BICRAL: variants seen among roughly 807,000 people sequenced by gnomAD.
BICRAL encodes the protein BICRA like chromatin remodeling complex associated protein.
BICRAL carries 8 observed loss-of-function variants against 91.8 expected under a neutral mutation model. That is an observed-to-expected ratio of 0.09 (90% CI 0.05 to 0.16). The LOEUF (loss-of-function observed/expected upper bound fraction) is 0.16. BICRAL is among the 10% of genes least tolerant of loss of function. BICRAL has a pLI of 1.00. For missense variants in BICRAL, 1,038 were observed against 1,310.9 expected (o/e 0.79, Z 3.21); for synonymous variants, 445 against 491.1 (o/e 0.91, Z 1.24).
At chr6:42,815,952 C>G (rs1763978756) in intron 2 of BICRAL, among the ~76,000 whole-genome samples, 1 of 134,078 alleles carries the variant, frequency 7.5e-6, no homozygotes, top group African/African-American at 2.9e-5. Flanking sequence ...CCATTGCTCT[C>G]TAGCCTGGGC....
intron 1 of BICRAL, among the ~76,000 whole-genome samples, chr6:42,809,181 A>G (rs1763789004): frequency 6.7e-6 from 1 of 150,288 alleles, no homozygotes; most frequent in African/African-American, 2.5e-5. Context: ...AAGTGAGAAC[A>G]TGCAGTATTT....
chr6:42,792,678 C>T (rs1240030244), intron 1 of BICRAL, among the ~76,000 whole-genome samples: 2 of 151,834 alleles, frequency 1.3e-5, no homozygotes, highest in Non-Finnish European at 1.5e-5. Context: ...TTTGGGAGGC[C>T]GAAGTAGGTG....
intron 1 of BICRAL, among the ~76,000 whole-genome samples, chr6:42,801,840 G>A (rs572071200): frequency 4.6e-5 from 7 of 151,984 alleles, no homozygotes; most frequent in Admixed American, 2.0e-4. Context: ...CCGAGATCAC[G>A]CCACTGTACT....
Position 42,829,556 on chromosome 6 carries a change from C to G in BICRAL, c.1223C>G (p.Ser408Cys), listed in dbSNP as rs1310527060. 6.2e-7 allele frequency: 1 copy of G among 1,614,248 alleles called. No homozygotes were observed. Among genetic ancestry groups the G allele is most frequent in the Admixed American group, 1.7e-5 (1 of 60,028 alleles). Residue 408 changes from serine to cysteine, a missense_variant, in exon 6 of 13, where the codon TCT becomes TGT. By Grantham distance (112) the Ser-to-Cys change is moderately radical. This residue lies in a region of BICRAL where 532 missense variants were observed against 724.9 expected (regional missense o/e 0.73). Coordinates refer to ENST00000314073, the MANE Select transcript of BICRAL (RefSeq NM_001393499.1). ...QSQFLIPTSL[S>C]VSSNSVHHVQ... is the part of the protein sequence containing the mutation. ...CAGTTCCTTATACCTACAAGCCTTT[C>G]TGTCAGTTCCAACTCGGTACACCAC...
chr6:42,826,911 T>G lies in BICRAL; in HGVS notation c.160-1582T>G, dbSNP rs888491923. 2.6e-5 allele frequency among the ~76,000 whole-genome samples: 4 copies of G among 152,092 alleles called. No homozygotes were observed. In the East Asian group the frequency reaches 7.7e-4, roughly 29 times the overall value. On this transcript the variant is annotated intron_variant, in intron 5 of 12. Coordinates refer to ENST00000314073, the MANE Select transcript of BICRAL (RefSeq NM_001393499.1). Reference sequence around the variant, plus strand: ...AAGTGATTCTCCTCCCTCAGCCTCCTTAGTAGCTGGGATTACAGGCATGCG... The same window carrying G: ...AAGTGATTCTCCTCCCTCAGCCTCCGTAGTAGCTGGGATTACAGGCATGCG...
chr6:42,783,521 T>C (rs563963262), intron 1 of BICRAL, among the ~76,000 whole-genome samples: 4 of 152,086 alleles, frequency 2.6e-5, no homozygotes, highest in Admixed American at 2.6e-4. Flanking sequence ...GCCATCTTTC[T>C]CGCGGCGCGG....
intron 1 of BICRAL, among the ~76,000 whole-genome samples, chr6:42,809,415 T>C (rs987452608): frequency 2.1e-4 from 32 of 151,850 alleles, no homozygotes; most frequent in Non-Finnish European, 4.1e-4. Flanking sequence ...ATTGTCGTCT[T>C]TTCCAACTAT....
intron 1 of BICRAL, among the ~76,000 whole-genome samples, chr6:42,783,399 C>G (rs998360819): frequency 1.9e-4 from 29 of 152,168 alleles, no homozygotes; most frequent in Non-Finnish European, 3.4e-4. Flanking sequence ...TTCGCGCCCC[C>G]CCGAGTCGCC....
rs114883285 is a variant in BICRAL at position 42,805,673 on chromosome 6, C to T, written c.-101-4633C>T. Among the ~76,000 whole-genome samples, 1,119 of 152,118 alleles carry T rather than the reference C, an allele frequency of 7.4e-3. 9 individuals carry two copies. The highest frequency in any genetic ancestry group is 0.024 in the African/African-American group (991 of 41,502). On this transcript the variant is annotated intron_variant, in intron 1 of 12. Transcript: ENST00000314073. ...CAAACCTCTGCCCTGATGGAGCTGA[C>T]TTTCTAATGTAAATATGAGTCAGTG... is the stretch of plus-strand genomic sequence containing the variant.
At chr6:42,770,763 T>C (rs1762707461) in intron 1 of BICRAL, among the ~76,000 whole-genome samples, 1 of 151,646 alleles carries the variant, frequency 6.6e-6, no homozygotes, top group Admixed American at 6.6e-5. Flanking sequence ...CAATTTCCAC[T>C]CACTGTAGCC....
intron 1 of BICRAL, among the ~76,000 whole-genome samples, chr6:42,787,501 A>T (rs1486437086): frequency 6.6e-6 from 1 of 152,042 alleles, no homozygotes; most frequent in Admixed American, 6.6e-5. Context: ...GGAGTAATAA[A>T]ACTCTGGTCT....
In BICRAL at chr6:42,862,539, G is replaced by C; in HGVS notation, c.2379G>C (p.Met793Ile). The C allele has an allele frequency of 6.2e-7, 1 of 1,611,238 alleles. No homozygotes were observed. Among genetic ancestry groups the C allele is most frequent in the Non-Finnish European group, 8.5e-7 (1 of 1,177,422 alleles). The change falls in exon 12 of 13, where the codon ATG becomes ATC. Residue 793 changes from methionine (M) to isoleucine (I), a missense_variant. This residue lies in a region of BICRAL where 294 missense variants were observed against 292.6 expected (regional missense o/e 1.00). Transcript: ENST00000314073. ...MRINPSAEMV[M>I]IDRMFNQEER... is the part of the protein sequence containing the mutation. ...TCAATCCCTCTGCTGAGATGGTGAT[G>C]ATCGATAGGATGTTCAACCAGGAGG...
At chr6:42,757,601 G>T (rs141899134) in intron 1 of BICRAL, among the ~76,000 whole-genome samples, 2 of 152,244 alleles carry the variant, frequency 1.3e-5, no homozygotes, top group African/African-American at 4.8e-5. Context: ...TGGCCAGAAA[G>T]ATCTCGAACT....
chr6:42,800,256 G>C (rs918572414), intron 1 of BICRAL, among the ~76,000 whole-genome samples: 1 of 151,988 alleles, frequency 6.6e-6, no homozygotes, highest in South Asian at 2.1e-4. Flanking sequence ...GTAGAGATAG[G>C]GTTTCACTAT....
intron 1 of BICRAL, among the ~76,000 whole-genome samples, chr6:42,760,895 G>A (rs1463529363): frequency 2.6e-5 from 4 of 151,918 alleles, no homozygotes; most frequent in Non-Finnish European, 4.4e-5. Flanking sequence ...GCTGGCTGGC[G>A]CCTGTAATCC....
At chr6:42,775,595 C>T (rs1762795574) in intron 1 of BICRAL, among the ~76,000 whole-genome samples, 1 of 152,214 alleles carries the variant, frequency 6.6e-6, no homozygotes, top group Admixed American at 6.5e-5. Flanking sequence ...CTCCCCTCAA[C>T]ATATTCTATG....
Position 42,794,515 on chromosome 6 carries a change from C to CA in BICRAL, c.-102+12416dup, listed in dbSNP as rs1429973607. Among the ~76,000 whole-genome samples the CA allele has an allele frequency of 1.6e-3, 237 of 151,828 alleles. 1 individual carries two copies. Among genetic ancestry groups the CA allele is most frequent in the African/African-American group, 5.4e-3 (223 of 41,406 alleles). ...CAAGTAATCCTCCTGCTTCCCCTGC[C>CA]AAGTAGTTGAGACTACAGGTGTACT... On this transcript the variant is annotated intron_variant, in intron 1 of 12. Coordinates refer to ENST00000314073, the MANE Select transcript of BICRAL (RefSeq NM_001393499.1).
rs1453274681 is a variant in BICRAL, at chr6:42,810,399, A to G, written c.-8A>G. 3.9e-5 allele frequency: 6 copies of G among 152,220 alleles called. No homozygotes were observed. Among genetic ancestry groups the G allele is most frequent in the African/African-American group, 7.2e-5 (3 of 41,458 alleles). 9.4% of individuals were successfully genotyped at this position (152,220 alleles called of 1,614,324 possible). A position where few individuals can be genotyped will look rare whatever the true frequency, so the allele number is the denominator to read the frequency against. ...AAATTGTAGCACTTCTCACATTGCA[A>G]TGGTAATGAATTGTTGCATGTCTGT... On this transcript the variant is annotated splice_region_variant and 5_prime_UTR_variant, in exon 2 of 13. It removes an upstream start codon present in the reference 5' UTR. Transcript: ENST00000314073.
Position 42,865,008 on chromosome 6 carries a change from T to C in BICRAL, c.2802T>C (p.Ser934=). 6.2e-7 allele frequency: 1 copy of C among 1,614,034 alleles called. No individual in the cohort carries two copies. Among genetic ancestry groups the C allele is most frequent in the Non-Finnish European group, 8.5e-7 (1 of 1,180,028 alleles). ...RREPLKASQC[S]PGPEGHRKTS... is the part of the protein sequence containing the mutation. ...AGCCTCTGAAGGCCAGTCAGTGCTC[T>C]CCCGGCCCTGAGGGGCACCGGAAAA... is the stretch of plus-strand genomic sequence containing the variant. The change falls in exon 13 of 13, where the codon TCT becomes TCC. Residue 934 remains serine, a synonymous_variant. Transcript: ENST00000314073.
Sources: allele counts gnomAD v4.1 joint callset (sites outside exome capture counted in the v4.1 genomes callset), GRCh38; gene constraint gnomAD v4.1.1; regional missense constraint gnomAD v4.1.1; transcripts MANE v1.5; gene names NCBI Gene and HGNC (gene_info 2026-07-23, HGNC 2026-07-21).